The following ADGRV1 variants were observed in gnomAD, a reference collection of about 807,000 sequenced individuals.
ADGRV1 encodes adhesion G protein-coupled receptor V1.
ADGRV1 carries 359 observed loss-of-function variants against 596.2 expected under a neutral mutation model. The observed-to-expected ratio is 0.60, with a 90% CI of 0.55 to 0.66. The LOEUF is 0.66. Among genes scored for constraint, ADGRV1 ranks in the 30% least tolerant of loss-of-function variants. The pLI, the probability that ADGRV1 is intolerant of heterozygous loss-of-function variation, is 0.00. For missense variants in ADGRV1, 7,274 were observed against 7,575.6 expected (o/e 0.96, Z 1.48); for synonymous variants, 2,681 against 2,679.2 (o/e 1.00, Z -0.02).
At chr5:91,053,855 T>A (rs184015092) in intron 85 of ADGRV1, among the ~76,000 whole-genome samples, 14 of 152,336 alleles carry the variant, frequency 9.2e-5, no homozygotes, top group Admixed American at 5.9e-4. Flanking sequence ...CATGTCTTAT[T>A]CATCACTGTA....
chr5:91,030,367 T>C (rs935919004), intron 85 of ADGRV1, among the ~76,000 whole-genome samples: 32 of 152,246 alleles, frequency 2.1e-4, no homozygotes, highest in African/African-American at 6.7e-4. Context: ...GTATCTAAAT[T>C]ATGATAACAT....
intron 85 of ADGRV1, among the ~76,000 whole-genome samples, chr5:90,988,714 A>G (rs1464070049): frequency 1.3e-5 from 2 of 151,954 alleles, no homozygotes; most frequent in Non-Finnish European, 2.9e-5. Context: ...ATATGTATAC[A>G]TGTGCCATGT....
intron 83 of ADGRV1, among the ~76,000 whole-genome samples, chr5:90,942,343 G>A (rs1366471927): frequency 6.6e-6 from 1 of 152,190 alleles, no homozygotes; most frequent in Non-Finnish European, 1.5e-5. Flanking sequence ...AGTGGACTAG[G>A]TGTATTTGGA....
chr5:90,890,799 C>T (rs1263307039), intron 83 of ADGRV1, among the ~76,000 whole-genome samples: 1 of 152,066 alleles, frequency 6.6e-6, no homozygotes, highest in Non-Finnish European at 1.5e-5. Flanking sequence ...TCTATCAGTG[C>T]CATGTAAATT....
intron 70 of ADGRV1, among the ~76,000 whole-genome samples, chr5:90,797,480 GT>G (rs1760870863): frequency 6.6e-6 from 1 of 152,000 alleles, no homozygotes; most frequent in Non-Finnish European, 1.5e-5. Flanking sequence ...CAAAAAGCAA[GT>G]TCTTAGAGAC....
At chr5:90,579,977 C>T (rs530371728) in intron 1 of ADGRV1, among the ~76,000 whole-genome samples, 1 of 152,182 alleles carries the variant, frequency 6.6e-6, no homozygotes, top group East Asian at 1.9e-4. Flanking sequence ...GATCTTCCTC[C>T]GTCCCTTTAT....
chr5:91,007,463 C>T (rs949905475), intron 85 of ADGRV1, among the ~76,000 whole-genome samples: 8 of 152,130 alleles, frequency 5.3e-5, no homozygotes, highest in South Asian at 4.1e-4. Flanking sequence ...CTTGTGGTCA[C>T]GGTCAAAGAT....
intron 59 of ADGRV1, among the ~76,000 whole-genome samples, chr5:90,768,008 A>G (rs992238484): frequency 1.3e-5 from 2 of 152,214 alleles, no homozygotes; most frequent in African/African-American, 4.8e-5. Context: ...GAATTTAGAA[A>G]TTAGTTTCAA....
chr5:90,816,860 C>T (rs1226821534), intron 75 of ADGRV1, among the ~76,000 whole-genome samples: 7 of 151,746 alleles, frequency 4.6e-5, no homozygotes, highest in South Asian at 2.1e-4. Flanking sequence ...TGAATAGTGC[C>T]GCAATAAACA....
intron 70 of ADGRV1, chr5:90,791,655 A>T (rs1011866454): frequency 1.9e-5 from 5 of 261,860 alleles, no homozygotes; most frequent in Non-Finnish European, 2.9e-5. Flanking sequence ...ATGTGTATGC[A>T]CACGCACACA....
intron 85 of ADGRV1, among the ~76,000 whole-genome samples, chr5:90,997,971 G>T (rs769315202): frequency 1.3e-5 from 2 of 152,204 alleles, no homozygotes; most frequent in Non-Finnish European, 2.9e-5. Context: ...CTCATATGAA[G>T]TAGTAATTAC....
intron 86 of ADGRV1, among the ~76,000 whole-genome samples, chr5:91,082,811 T>A (rs1394274163): frequency 6.6e-6 from 1 of 152,204 alleles, no homozygotes; most frequent in African/African-American, 2.4e-5. Flanking sequence ...TCCCAGGTTC[T>A]TACCTGTATT....
chr5:90,938,190 A>G (rs58201771), intron 83 of ADGRV1, among the ~76,000 whole-genome samples: 18,399 of 152,100 alleles, frequency 0.12, 1,121 homozygotes, highest in East Asian at 0.18. Flanking sequence ...TGGTTGAGTA[A>G]GAGGGGAAAA....
At chr5:90,644,109 C>T (rs756132420) in intron 14 of ADGRV1, 126 bp downstream of exon 14, 47 of 663,848 alleles carry the variant, frequency 7.1e-5, no homozygotes, top group Non-Finnish European at 9.2e-5. Context: ...ACACATAGTG[C>T]GGAAGTTTTT....
At chr5:91,129,471 C>T (rs185166323) in intron 87 of ADGRV1, among the ~76,000 whole-genome samples, 119 of 152,146 alleles carry the variant, frequency 7.8e-4, no homozygotes, top group Admixed American at 1.1e-3. Context: ...TTATTTTGGG[C>T]GACATCATAG....
At chr5:91,119,973 C>G (rs1309705111) in intron 87 of ADGRV1, among the ~76,000 whole-genome samples, 1 of 152,148 alleles carries the variant, frequency 6.6e-6, no homozygotes, top group Non-Finnish European at 1.5e-5. Flanking sequence ...CCTATCCAGC[C>G]TTAGGCAGCT....
At position 90,652,332 on chromosome 5, in the gene ADGRV1, A is replaced by C. The variant is rs1768754240; in HGVS notation, c.3417-14A>C. The C allele has an allele frequency of 6.5e-7, 1 of 1,545,638 alleles. No homozygotes were observed. The highest frequency in any genetic ancestry group is 1.3e-5 in the South Asian group (1 of 78,172). ...GATTCACTACTTATAAATTTTCTTTAATTTATTTTGTAGGATTTTGAGGCA... is the reference window on the plus strand; with the variant it reads ...GATTCACTACTTATAAATTTTCTTTCATTTATTTTGTAGGATTTTGAGGCA... On this transcript the variant is annotated splice_polypyrimidine_tract_variant and intron_variant, in intron 18 of 89. Coordinates refer to ENST00000405460, the MANE Select transcript of ADGRV1 (RefSeq NM_032119.4).
chr5:90,662,187 C>CTTTTTTTTTTTTTTTTTTTTTTTTTT lies in ADGRV1; in HGVS notation c.4752+3929_4752+3930insTTTTTTTTTTTTTTTTTTTTTTTTTT, dbSNP rs5869513. On this transcript the variant is annotated intron_variant, in intron 21 of 89. Coordinates refer to ENST00000405460, the MANE Select transcript of ADGRV1 (RefSeq NM_032119.4). ...TGTTTAATCATTTTTGGTTAAACAA[C>CTTTTTTTTTTTTTTTTTTTTTTTTTT]TTTTTTTTTTTTTTTTTTTTGAGAC... Among the ~76,000 whole-genome samples, 2 of 130,868 alleles carry CTTTTTTTTTTTTTTTTTTTTTTTTTT rather than the reference C, an allele frequency of 1.5e-5. 1 individual carries two copies. Among genetic ancestry groups the CTTTTTTTTTTTTTTTTTTTTTTTTTT allele is most frequent in the African/African-American group, 5.8e-5 (2 of 34,236 alleles). The allele number at this position is 130,868 out of a possible 152,430, so 85.9% of individuals were successfully genotyped here. A position where few individuals can be genotyped will look rare whatever the true frequency, so the allele number is the denominator to read the frequency against.
At chr5:90,718,258 C>T (rs948769218) in intron 43 of ADGRV1, 1 of 152,182 alleles carries the variant, frequency 6.6e-6, no homozygotes, top group South Asian at 2.1e-4. Context: ...TGTCTGACTT[C>T]CTTCGCTTAG....
Sources: gnomAD v4.1 joint callset for allele counts (sites outside exome capture counted in the v4.1 genomes callset) on GRCh38, gnomAD v4.1.1 for gene constraint, MANE v1.5 for transcripts, NCBI Gene and HGNC (gene_info 2026-07-23, HGNC 2026-07-21) for gene names.